Variants in MYRFL observed in about 807,000 individuals in gnomAD.
MYRFL encodes the protein myelin regulatory factor-like protein.
MYRFL carries 88 observed loss-of-function variants against 109.4 expected under a neutral mutation model. That is an observed-to-expected ratio of 0.80 (90% CI 0.68 to 0.96). MYRFL has a LOEUF of 0.96. Among genes scored for constraint, MYRFL ranks in the 40% least tolerant of loss-of-function variants. MYRFL has a pLI of 0.00. For missense variants in MYRFL, 957 were observed against 954.9 expected, an observed-to-expected ratio of 1.00 and a Z score of -0.03; for synonymous variants, 324 against 320.9, an observed-to-expected ratio of 1.01 and a Z score of -0.10.
At chr12:69,956,679 T>C (rs941741824) in intron 22 of MYRFL, among the ~76,000 whole-genome samples, 1 of 151,954 alleles carries the variant, frequency 6.6e-6, no homozygotes, top group Non-Finnish European at 1.5e-5. Context: ...TCTTCCTCCG[T>C]CTTATTCAGT....
At chr12:69,875,737 A>T (rs1276921026) in intron 2 of MYRFL, among the ~76,000 whole-genome samples, 6 of 152,118 alleles carry the variant, frequency 3.9e-5, no homozygotes, top group Non-Finnish European at 7.4e-5. Context: ...AAATCTAACT[A>T]ACGCCTGATG....
At chr12:69,880,668 A>G (rs972969206) in intron 5 of MYRFL, among the ~76,000 whole-genome samples, 2 of 152,220 alleles carry the variant, frequency 1.3e-5, no homozygotes, top group African/African-American at 4.8e-5. Flanking sequence ...TGTGCAAGAA[A>G]TAGCATGAGG....
At chr12:69,945,253 G>T (rs542299660) in intron 19 of MYRFL, among the ~76,000 whole-genome samples, 23 of 152,252 alleles carry the variant, frequency 1.5e-4, no homozygotes, top group Admixed American at 1.5e-3. Flanking sequence ...TAGTGTCCCA[G>T]GCCTTCAGAT....
intron 2 of MYRFL, among the ~76,000 whole-genome samples, chr12:69,865,528 T>A (rs571640843): frequency 6.6e-6 from 1 of 152,098 alleles, no homozygotes; most frequent in African/African-American, 2.4e-5. Context: ...TTATGGTTTC[T>A]GTGATTTGCT....
In MYRFL at chr12:69,851,433, T is replaced by G. The variant is rs1883869437; in HGVS notation, c.47-3847T>G. Among the ~76,000 whole-genome samples, 3 of 152,210 alleles carry G rather than the reference T, an allele frequency of 2.0e-5. No individual in the cohort carries two copies. In the South Asian group the frequency reaches 6.2e-4, roughly 32 times the overall value. ...TTGTTTTTCATTTTTTGTATTAAAA[T>G]ACTTATGAACATCAAAACATGCTAA... On this transcript the variant is annotated intron_variant, in intron 1 of 24. Transcript: ENST00000552032.
rs1016707536 is a variant in MYRFL at position 69,893,765 on chromosome 12, T to C, written c.905T>C (p.Val302Ala). Residue 302 changes from valine (V) to alanine (A), a missense_variant and splice_region_variant, in exon 8 of 25, where the codon GTG (valine) becomes GCG (alanine). Val to Ala is a moderately conservative substitution (Grantham distance 64). Coordinates refer to ENST00000552032, the MANE Select transcript of MYRFL (RefSeq NM_182530.3). ...MFYLKVFGTKVEATNQIIAIE... is the reference protein window; with the variant it reads ...MFYLKVFGTKAEATNQIIAIE... ...TTTACTTTTTGTTGTTTCATACAGGTGGAAGCTACCAATCAAATAATTGCT... is the reference window on the plus strand; with the variant it reads ...TTTACTTTTTGTTGTTTCATACAGGCGGAAGCTACCAATCAAATAATTGCT... 2.0e-5 allele frequency: 29 copies of C among 1,416,076 alleles called. No individual in the cohort carries two copies. The highest frequency in any genetic ancestry group is 2.7e-5 in the Non-Finnish European group (29 of 1,085,448). The allele number at this position is 1,416,076 out of a possible 1,614,324, so 87.7% of individuals were successfully genotyped here.
intron 1 of MYRFL, among the ~76,000 whole-genome samples, chr12:69,826,144 C>T (rs138779960): frequency 3.9e-5 from 6 of 152,068 alleles, no homozygotes; most frequent in African/African-American, 1.2e-4. Flanking sequence ...TAAAGAGTGA[C>T]GGGGCGTACC....
chr12:69,889,361 T>C (rs541315955), intron 6 of MYRFL, among the ~76,000 whole-genome samples: 1 of 152,284 alleles, frequency 6.6e-6, no homozygotes, highest in South Asian at 2.1e-4. Context: ...TGTTTTCTTT[T>C]TATTAACATT....
chr12:69,946,494 G>A (rs1327149881), intron 19 of MYRFL: 1 of 152,058 alleles, frequency 6.6e-6, no homozygotes, highest in African/African-American at 2.4e-5. Context: ...TCCACTATAA[G>A]CCTACTTTTA....
intron 7 of MYRFL, among the ~76,000 whole-genome samples, chr12:69,892,053 A>C (rs1169636545): frequency 3.3e-5 from 5 of 152,180 alleles, no homozygotes; most frequent in Non-Finnish European, 7.3e-5. Flanking sequence ...GTTTTCAGTG[A>C]ATACTCTTGC....
chr12:69,832,824 G>T (rs1325842811), intron 1 of MYRFL, among the ~76,000 whole-genome samples: 3 of 151,876 alleles, frequency 2.0e-5, no homozygotes, highest in African/African-American at 7.3e-5. Flanking sequence ...GGGGCAGATG[G>T]GTGGGACGTG....
intron 1 of MYRFL, among the ~76,000 whole-genome samples, chr12:69,831,160 T>A (rs1882608409): frequency 6.6e-6 from 1 of 152,192 alleles, no homozygotes; most frequent in Admixed American, 6.5e-5. Context: ...ACAGTAAGCA[T>A]CTCTTAATGT....
At chr12:69,894,386 T>A (rs1887097955) in intron 8 of MYRFL, among the ~76,000 whole-genome samples, 2 of 152,248 alleles carry the variant, frequency 1.3e-5, no homozygotes, top group Non-Finnish European at 2.9e-5. Flanking sequence ...GCAAAAATTC[T>A]TTATAAAACG....
intron 2 of MYRFL, among the ~76,000 whole-genome samples, chr12:69,878,269 A>T (rs1039562200): frequency 6.7e-6 from 1 of 148,408 alleles, no homozygotes; most frequent in Non-Finnish European, 1.5e-5. Flanking sequence ...AATTACTTGC[A>T]CTTCAATATA....
intron 13 of MYRFL, among the ~76,000 whole-genome samples, chr12:69,916,763 T>C (rs997061159): frequency 1.3e-5 from 2 of 152,126 alleles, no homozygotes; most frequent in African/African-American, 2.4e-5. Context: ...CTGAATCCCA[T>C]GATGCCTTCA....
chr12:69,948,784 G>T (rs1002743377), intron 19 of MYRFL, among the ~76,000 whole-genome samples: 5 of 152,142 alleles, frequency 3.3e-5, no homozygotes, highest in African/African-American at 1.2e-4. Context: ...GCACCATGTT[G>T]GGTTCAGAAA....
chr12:69,855,484 G>C, intron 2 of MYRFL, 114 bp downstream of exon 2: 1 of 600,050 alleles, frequency 1.7e-6, no homozygotes, highest in South Asian at 2.1e-5. Context: ...GGGTAGAGTT[G>C]ACATTATTAT....
intron 13 of MYRFL, among the ~76,000 whole-genome samples, chr12:69,920,349 T>C (rs994577243): frequency 2.0e-5 from 3 of 152,224 alleles, no homozygotes; most frequent in Non-Finnish European, 2.9e-5. Flanking sequence ...TTGTTCTGTT[T>C]TGTTTTGTTT....
At chr12:69,868,908 G>A (rs1240228) in intron 2 of MYRFL, among the ~76,000 whole-genome samples, 37,867 of 151,268 alleles carry the variant, frequency 0.25, 5,481 homozygotes, top group Middle Eastern at 0.39. Context: ...ACGCACACGC[G>A]CACACACACA....
Sources: gnomAD v4.1 joint callset for allele counts (sites outside exome capture counted in the v4.1 genomes callset) on GRCh38, gnomAD v4.1.1 for gene constraint, MANE v1.5 for transcripts, NCBI Gene and HGNC (gene_info 2026-07-23, HGNC 2026-07-21) for gene names.